Variants in APOLD1 observed in about 807,000 individuals in gnomAD.
APOLD1 encodes the protein apolipoprotein L domain-containing protein 1.
APOLD1 carries 22 observed loss-of-function variants against 15.3 expected under a neutral mutation model. The observed-to-expected ratio is 1.44, with a 90% CI of 1.03 to 2.05. The LOEUF (loss-of-function observed/expected upper bound fraction) is 2.05. Ranked by LOEUF, APOLD1 falls within the 30% of genes most tolerant of loss-of-function variation. The pLI, the probability that APOLD1 is intolerant of heterozygous loss-of-function variation, is 0.00. For missense variants in APOLD1, 394 were observed against 353.5 expected (o/e 1.11, Z -0.92); for synonymous variants, 190 against 167.4 (o/e 1.13, Z -1.04).
chr12:12,740,138 C>T (rs750966227), intron 1 of APOLD1, among the ~76,000 whole-genome samples: 7 of 152,106 alleles, frequency 4.6e-5, no homozygotes, highest in South Asian at 2.1e-4. Flanking sequence ...CGTGCCACTA[C>T]GCCTGGCTAA....
chr12:12,750,170 C>T (rs556989756), intron 1 of APOLD1, among the ~76,000 whole-genome samples: 41 of 151,990 alleles, frequency 2.7e-4, no homozygotes, highest in Non-Finnish European at 4.7e-4. Context: ...GTTGGGAGTT[C>T]GAGACCGGCC....
chr12:12,740,200 C>T (rs1412234996), intron 1 of APOLD1, among the ~76,000 whole-genome samples: 1 of 152,144 alleles, frequency 6.6e-6, no homozygotes, highest in East Asian at 1.9e-4. Flanking sequence ...CCAGGATGGT[C>T]TTGATCTCCT....
At chr12:12,777,096 C>G (rs1198474347) in intron 1 of APOLD1, among the ~76,000 whole-genome samples, 1 of 152,088 alleles carries the variant, frequency 6.6e-6, no homozygotes, top group Admixed American at 6.5e-5. Context: ...TTTCCCTTTC[C>G]CTGACATAGC....
chr12:12,757,536 G>GA, intron 1 of APOLD1, among the ~76,000 whole-genome samples: 1 of 152,140 alleles, frequency 6.6e-6, no homozygotes, highest in Non-Finnish European at 1.5e-5. Context: ...ATTGTAAAGA[G>GA]AACATCTTTG....
intron 1 of APOLD1, among the ~76,000 whole-genome samples, chr12:12,739,075 C>T (rs1019070735): frequency 8.5e-5 from 13 of 152,192 alleles, no homozygotes; most frequent in African/African-American, 2.4e-4. Context: ...CTGCAAGGGA[C>T]AGATTTGGGG....
At chr12:12,751,201 G>A (rs922411016) in intron 1 of APOLD1, among the ~76,000 whole-genome samples, 5 of 152,118 alleles carry the variant, frequency 3.3e-5, no homozygotes, top group Admixed American at 3.3e-4. Flanking sequence ...TGAGAGGGAA[G>A]GGTAACGTCA....
At position 12,789,653 on chromosome 12, in the gene APOLD1, C is replaced by T. The variant is rs541175956; in HGVS notation, c.*2001C>T. 1 of 152,320 alleles carries T rather than the reference C, an allele frequency of 6.6e-6. No individual in the cohort carries two copies. Among genetic ancestry groups the T allele is most frequent in the Non-Finnish European group, 1.5e-5 (1 of 68,032 alleles). 9.4% of individuals were successfully genotyped at this position (152,320 alleles called of 1,614,324 possible). ...TTTTCACTTTGGGGTCTGTAAGAAA[C>T]TGTCAGTGAAAATATGTACAATTCC... is the stretch of plus-strand genomic sequence containing the variant. On this transcript the variant is annotated 3_prime_UTR_variant, in exon 2 of 2. Transcript: ENST00000356591.
At chr12:12,729,603 A>G (rs929216146) in intron 1 of APOLD1, among the ~76,000 whole-genome samples, 2 of 151,962 alleles carry the variant, frequency 1.3e-5, no homozygotes, top group African/African-American at 4.8e-5. Flanking sequence ...AGCTTGGACA[A>G]CGTAGCAAGA....
At chr12:12,782,782 C>T (rs1947092637), upstream of APOLD1, among the ~76,000 whole-genome samples, 1 of 152,144 alleles carries the variant, frequency 6.6e-6, no homozygotes, top group Admixed American at 6.5e-5. Context: ...GCCCAACAAA[C>T]AATTTAAAAG....
At chr12:12,781,510 G>T (rs929408413), upstream of APOLD1, among the ~76,000 whole-genome samples, 1 of 151,744 alleles carries the variant, frequency 6.6e-6, no homozygotes, top group Non-Finnish European at 1.5e-5. Context: ...GGCCTTGAGC[G>T]TAATTATCAC....
At chr12:12,777,217 C>G in intron 1 of APOLD1, among the ~76,000 whole-genome samples, 1 of 152,178 alleles carries the variant, frequency 6.6e-6, no homozygotes, top group South Asian at 2.1e-4. Flanking sequence ...AGGCCATTCA[C>G]CCCTCTTCTC....
At chr12:12,783,814 TG>T (rs1244310689), upstream of APOLD1, among the ~76,000 whole-genome samples, 1 of 150,790 alleles carries the variant, frequency 6.6e-6, no homozygotes, top group Non-Finnish European at 1.5e-5. Flanking sequence ...TTAAATTTTT[TG>T]TAAAGATGGG....
chr12:12,790,197 G>T lies in APOLD1; in HGVS notation c.*2545G>T, dbSNP rs1947173170. ...TTTTTGTATTTTTAGTAGAGACAGG[G>T]TTTCGCCATGTTGGCCAGGCTGGTC... On this transcript the variant is annotated 3_prime_UTR_variant, in exon 2 of 2. Transcript: ENST00000356591. 6.6e-6 allele frequency: 1 copy of T among 152,064 alleles called. No individual in the cohort carries two copies. The highest frequency in any genetic ancestry group is 1.5e-5 in the Non-Finnish European group (1 of 68,038). The allele number at this position is 152,064 out of a possible 1,614,324, so 9.4% of individuals were successfully genotyped here.
At chr12:12,754,246 A>C (rs953591148) in intron 1 of APOLD1, among the ~76,000 whole-genome samples, 1 of 151,594 alleles carries the variant, frequency 6.6e-6, no homozygotes, top group Non-Finnish European at 1.5e-5. Context: ...CATCAGTGCA[A>C]TGAAGCAATG....
intron 1 of APOLD1, among the ~76,000 whole-genome samples, chr12:12,731,014 G>C (rs1017968581): frequency 4.0e-5 from 6 of 151,304 alleles, no homozygotes; most frequent in African/African-American, 1.5e-4. Context: ...GGTGGCGGGC[G>C]CCTGTAGTCC....
At chr12:12,743,708 C>G (rs1402667922) in intron 1 of APOLD1, among the ~76,000 whole-genome samples, 3 of 152,180 alleles carry the variant, frequency 2.0e-5, no homozygotes, top group Non-Finnish European at 4.4e-5. Flanking sequence ...GATTTGCTGA[C>G]TATAAAATTG....
chr12:12,767,616 A>G (rs919815038), intron 1 of APOLD1, among the ~76,000 whole-genome samples: 5 of 152,218 alleles, frequency 3.3e-5, no homozygotes, highest in African/African-American at 1.2e-4. Flanking sequence ...AGATCGTGCC[A>G]CTGCACTCCA....
intron 1 of APOLD1, chr12:12,726,156 CAAAAAAAAAAAAA>C (rs745785485): frequency 3.6e-4 from 41 of 113,674 alleles, no homozygotes; most frequent in South Asian, 1.6e-3. Context: ...TCTTCGCAAC[CAAAAAAAAAAAAA>C]AAAAAAAAAA....
chr12:12,787,444 T>C lies in APOLD1; in HGVS notation c.539T>C (p.Ile180Thr), dbSNP rs981264060. Reference protein sequence around the residue: ...IVFFGSRGFLIPRRAEGDTKV... With the variant: ...IVFFGSRGFLTPRRAEGDTKV... ...TTCTTTGGCTCACGTGGCTTCCTCATCCCCAGGCGGGCGGAGGGGGACACC... is the reference window on the plus strand; with the variant it reads ...TTCTTTGGCTCACGTGGCTTCCTCACCCCCAGGCGGGCGGAGGGGGACACC... The change falls in exon 2 of 2, where the codon ATC (isoleucine) becomes ACC (threonine). Residue 180 changes from isoleucine (I) to threonine (T), a missense_variant. Coordinates refer to ENST00000356591, the MANE Select transcript of APOLD1 (RefSeq NM_030817.3). This position sits in a 1 kb window ranked among gnomAD's most constrained non-coding sequence, Gnocchi z 4.9. The C allele has an allele frequency of 3.7e-6, 6 of 1,614,008 alleles. No individual in the cohort carries two copies. In the Admixed American group the frequency reaches 1.0e-4, roughly 27 times the overall value.
Sources: gnomAD v4.1 joint callset for allele counts (sites outside exome capture counted in the v4.1 genomes callset) on GRCh38, gnomAD v4.1.1 for gene constraint, Gnocchi (gnomAD v3.1) non-coding constraint, MANE v1.5 for transcripts, NCBI Gene and HGNC (gene_info 2026-07-23, HGNC 2026-07-21) for gene names.